Variants in GLI3 observed in about 807,000 individuals in gnomAD.
GLI3 encodes the protein transcription activator GLI3.
Under a neutral mutation model 100.8 loss-of-function variants are expected in GLI3, and 20 were observed. That is an observed-to-expected ratio of 0.20 (90% CI 0.14 to 0.29). GLI3 has a LOEUF of 0.29. GLI3 is among the 10% of genes least tolerant of loss of function. The probability of loss-of-function intolerance (pLI) is 1.00; values close to 1 mark genes in which losing one functional copy is unlikely to be tolerated. For missense variants in GLI3, 2,040 were observed against 2,128.5 expected (o/e 0.96, Z 0.82); for synonymous variants, 938 against 860.5 (o/e 1.09, Z -1.58).
chr7:42,131,722 C>A (rs904995256), intron 3 of GLI3, among the ~76,000 whole-genome samples: 3 of 152,148 alleles, frequency 2.0e-5, no homozygotes, highest in Admixed American at 2.0e-4. Context: ...GACCTAACAT[C>A]TTACTCGTTT....
intron 2 of GLI3, among the ~76,000 whole-genome samples, chr7:42,202,346 T>TCTCA (rs1184635369): frequency 1.6e-4 from 19 of 115,248 alleles, no homozygotes; most frequent in African/African-American, 6.2e-4. Flanking sequence ...TCTCTCTCTC[T>TCTCA]CACACACACA....
At chr7:42,002,320 TTAAA>T (rs1474273183) in intron 10 of GLI3, among the ~76,000 whole-genome samples, 4 of 152,160 alleles carry the variant, frequency 2.6e-5, no homozygotes, top group African/African-American at 9.7e-5. Flanking sequence ...GACAAAAAGT[TTAAA>T]TAGCGACAAC....
chr7:42,004,905 G>A lies in GLI3; in HGVS notation c.1497+18563C>T, dbSNP rs56404072. On this transcript the variant is annotated intron_variant, in intron 10 of 14. Coordinates refer to ENST00000395925, the MANE Select transcript of GLI3 (RefSeq NM_000168.6). ...TTCTAAAATTCATCTGTTTAACTCA[G>A]TTATTTGGTTTTAAAAATTATATCT... Among the ~76,000 whole-genome samples the A allele has an allele frequency of 6.1e-3, 935 of 152,248 alleles. 13 individuals are homozygous for A. The highest frequency in any genetic ancestry group is 0.021 in the African/African-American group (861 of 41,544).
upstream of GLI3, among the ~76,000 whole-genome samples, chr7:42,238,128 G>A (rs1292195767): frequency 6.7e-6 from 1 of 148,234 alleles, no homozygotes; most frequent in Admixed American, 6.7e-5. Context: ...CTCCCGGCGC[G>A]CCGAAGCCCC....
chr7:42,242,422 C>G (rs1184534967), upstream of GLI3, among the ~76,000 whole-genome samples: 1 of 152,232 alleles, frequency 6.6e-6, no homozygotes, highest in African/African-American at 2.4e-5. Context: ...TTTACCAAAT[C>G]TTTCCGAAAA....
intron 4 of GLI3, among the ~76,000 whole-genome samples, chr7:42,057,383 A>G (rs4720415): frequency 0.5 from 76,156 of 152,022 alleles, 19,548 homozygotes; most frequent in African/African-American, 0.57. Flanking sequence ...AACTCTCAAT[A>G]TGAGCGCAAG....
chr7:42,019,296 G>A (rs932857579), intron 10 of GLI3, among the ~76,000 whole-genome samples: 6 of 152,282 alleles, frequency 3.9e-5, no homozygotes, highest in African/African-American at 7.2e-5. Flanking sequence ...TATATACAAT[G>A]TCATGCACAA....
intron 2 of GLI3, among the ~76,000 whole-genome samples, chr7:42,182,057 C>T (rs1380798209): frequency 6.6e-6 from 1 of 152,074 alleles, no homozygotes; most frequent in Non-Finnish European, 1.5e-5. Context: ...TGGGGCCCTA[C>T]GATTTACAAC....
intron 13 of GLI3, 113 bp from the exon 14 acceptor site, chr7:41,968,036 T>C (rs926753597): frequency 1.1e-6 from 1 of 915,008 alleles, no homozygotes; most frequent in Non-Finnish European, 1.8e-6. Context: ...GTTGGTTGAA[T>C]GAGAAGAAAA....
chr7:42,233,015 A>AG (rs1788724565), intron 1 of GLI3, among the ~76,000 whole-genome samples: 1 of 152,240 alleles, frequency 6.6e-6, no homozygotes, highest in Non-Finnish European at 1.5e-5. Context: ...TTCAGGGGCC[A>AG]GGCAAAAGAA....
chr7:42,214,177 C>T (rs1000056076), intron 2 of GLI3, among the ~76,000 whole-genome samples: 1 of 152,158 alleles, frequency 6.6e-6, no homozygotes, highest in African/African-American at 2.4e-5. Flanking sequence ...TATCCCATGA[C>T]GGCAGATTTA....
intron 3 of GLI3, among the ~76,000 whole-genome samples, chr7:42,129,877 T>C (rs1042143674): frequency 6.6e-6 from 1 of 152,130 alleles, no homozygotes; most frequent in Non-Finnish European, 1.5e-5. Flanking sequence ...GACAGTCAGA[T>C]GGCCTGTCTC....
intron 3 of GLI3, among the ~76,000 whole-genome samples, chr7:42,141,964 T>A (rs150101708): frequency 6.6e-6 from 1 of 152,042 alleles, no homozygotes; most frequent in Non-Finnish European, 1.5e-5. Flanking sequence ...CACGCATGAG[T>A]CCCCAGTCCT....
chr7:42,177,792 T>A (rs1787510456), intron 2 of GLI3, among the ~76,000 whole-genome samples: 1 of 152,084 alleles, frequency 6.6e-6, no homozygotes, highest in South Asian at 2.1e-4. Flanking sequence ...TCTGCAAGAG[T>A]GCACCCTGTC....
chr7:42,245,450 C>G (rs960873453), intron 1 of GLI3, among the ~76,000 whole-genome samples: 5 of 152,034 alleles, frequency 3.3e-5, no homozygotes, highest in Non-Finnish European at 7.4e-5. Context: ...GAGGCTGAGG[C>G]GGGTGGATCA....
chr7:42,024,454 C>T (rs1419023000), intron 9 of GLI3, among the ~76,000 whole-genome samples: 2 of 152,200 alleles, frequency 1.3e-5, no homozygotes, highest in Admixed American at 6.5e-5. Context: ...TTACTCCAGC[C>T]TCCACGTTCT....
At chr7:42,172,658 G>GCCT (rs1294584211) in intron 2 of GLI3, 45 of 702,578 alleles carry the variant, frequency 6.4e-5, no homozygotes, top group Non-Finnish European at 1.1e-4. Context: ...TCCTGGTCCA[G>GCCT]CCTCTGGCCT....
chr7:42,169,878 T>G (rs568880627), intron 2 of GLI3, among the ~76,000 whole-genome samples: 1 of 152,176 alleles, frequency 6.6e-6, no homozygotes, highest in South Asian at 2.1e-4. Context: ...CTTCTTATAT[T>G]TCAATTACAA....
At chr7:42,026,438 G>C in intron 7 of GLI3, 26 bp from the exon 8 acceptor site, 1 of 1,553,518 alleles carries the variant, frequency 6.4e-7, no homozygotes, top group Non-Finnish European at 8.9e-7. Context: ...AAAAAAAGAC[G>C]ATCATCACTT....
Sources: gnomAD v4.1 joint callset for allele counts (sites outside exome capture counted in the v4.1 genomes callset) on GRCh38, gnomAD v4.1.1 for gene constraint, MANE v1.5 for transcripts, NCBI Gene and HGNC (gene_info 2026-07-23, HGNC 2026-07-21) for gene names.